CFAP58: variants seen among roughly 807,000 people sequenced by gnomAD.
CFAP58 encodes the protein cilia and flagella associated protein 58.
CFAP58 carries 88 observed loss-of-function variants against 119.5 expected under a neutral mutation model. The observed-to-expected ratio is 0.74, with a 90% CI of 0.62 to 0.88. The LOEUF (loss-of-function observed/expected upper bound fraction) is 0.88. Ranked by LOEUF, CFAP58 falls within the 40% of genes least tolerant of loss-of-function variation. CFAP58 has a pLI of 0.00. For missense variants in CFAP58, 990 were observed against 1,021.2 expected (o/e 0.97, Z 0.42); for synonymous variants, 365 against 366.3 (o/e 1.00, Z 0.04).
At chr10:104,353,655 A>G (rs1389201072), upstream of CFAP58, 3 of 521,330 alleles carry the variant, frequency 5.8e-6, no homozygotes, top group Admixed American at 6.4e-5. Flanking sequence ...ATATATTTGC[A>G]TATTTCTCTG....
upstream of CFAP58, chr10:104,353,654 C>T (rs1350732613): frequency 9.6e-6 from 5 of 522,332 alleles, no homozygotes; most frequent in Admixed American, 1.6e-4. Context: ...GATATATTTG[C>T]ATATTTCTCT....
intron 1 of CFAP58, among the ~76,000 whole-genome samples, chr10:104,354,931 C>G (rs563970004): frequency 6.6e-6 from 1 of 152,144 alleles, no homozygotes; most frequent in African/African-American, 2.4e-5. Context: ...TACTCTCTTG[C>G]TTCCTCTGCA....
chr10:104,372,956 T>C lies in CFAP58; in HGVS notation c.1090+1902T>C, dbSNP rs190129675. Among the ~76,000 whole-genome samples the C allele has an allele frequency of 6.1e-3, 923 of 152,188 alleles. 26 individuals carry two copies. Among genetic ancestry groups the C allele is most frequent in the Admixed American group, 0.057 (868 of 15,298 alleles). On this transcript the variant is annotated intron_variant, in intron 7 of 17. Coordinates refer to ENST00000369704, the MANE Select transcript of CFAP58 (RefSeq NM_001008723.2). ...GCATGGGTCTCCCTCCTACATGTTA[T>C]GATTTGCTACCACAGAAACCAAGAA...
intron 12 of CFAP58, among the ~76,000 whole-genome samples, chr10:104,399,832 G>T (rs540187918): frequency 1.3e-5 from 2 of 152,034 alleles, no homozygotes; most frequent in African/African-American, 2.4e-5. Context: ...TCTTGACTGG[G>T]TGTTCACATG....
chr10:104,403,336 T>C (rs1013163258), intron 13 of CFAP58, among the ~76,000 whole-genome samples: 4 of 152,216 alleles, frequency 2.6e-5, no homozygotes, highest in Non-Finnish European at 5.9e-5. Context: ...TCTCCAGCCA[T>C]GTGGAACTGT....
intron 9 of CFAP58, among the ~76,000 whole-genome samples, chr10:104,382,866 C>T (rs1228374123): frequency 6.6e-6 from 1 of 152,172 alleles, no homozygotes; most frequent in Non-Finnish European, 1.5e-5. Flanking sequence ...ATGAATTACC[C>T]AGTCACAGGG....
intron 15 of CFAP58, among the ~76,000 whole-genome samples, chr10:104,437,952 T>C (rs1040561700): frequency 1.4e-4 from 21 of 152,006 alleles, no homozygotes; most frequent in Admixed American, 1.1e-3. Context: ...AATATATAAA[T>C]AATTACAAAT....
chr10:104,361,197 T>A (rs2014661922), intron 2 of CFAP58, among the ~76,000 whole-genome samples: 2 of 152,234 alleles, frequency 1.3e-5, no homozygotes. Context: ...AATTCACTTT[T>A]AAGTATTTAT....
rs555421611 is a variant in CFAP58, at chr10:104,454,878, G to A, written c.*348G>A. 5.6e-6 allele frequency: 1 copy of A among 178,484 alleles called. No individual in the cohort carries two copies. The highest frequency in any genetic ancestry group is 2.4e-5 in the African/African-American group (1 of 42,484). The allele number at this position is 178,484 out of a possible 1,614,324, so 11.1% of individuals were successfully genotyped here. ...TTTAAAAGTATTTTTGAAATGCAAT[G>A]TGTCCCCTCTCACCTTATTAACAAT... is the stretch of plus-strand genomic sequence containing the variant. On this transcript the variant is annotated 3_prime_UTR_variant, in exon 18 of 18. Transcript: ENST00000369704.
At chr10:104,361,878 A>G in intron 2 of CFAP58, 145 bp from the exon 3 acceptor site, 1 of 718,052 alleles carries the variant, frequency 1.4e-6, no homozygotes, top group Non-Finnish European at 2.3e-6. Context: ...TGTGCTATTC[A>G]CTATTGACTA....
At chr10:104,396,787 G>A (rs1461226717) in intron 11 of CFAP58, among the ~76,000 whole-genome samples, 2 of 152,246 alleles carry the variant, frequency 1.3e-5, no homozygotes, top group African/African-American at 4.8e-5. Context: ...GGCGTTGCTT[G>A]ATGAGCTTTT....
At chr10:104,407,451 C>T (rs928196130) in intron 15 of CFAP58, among the ~76,000 whole-genome samples, 6 of 152,088 alleles carry the variant, frequency 3.9e-5, no homozygotes, top group African/African-American at 1.2e-4. Flanking sequence ...TCAGCGCCCA[C>T]GAGTTTAGTG....
At chr10:104,375,789 C>CGG (rs199558938) in intron 7 of CFAP58, among the ~76,000 whole-genome samples, 1 of 117,500 alleles carries the variant, frequency 8.5e-6, no homozygotes, top group Non-Finnish European at 1.8e-5. Flanking sequence ...TGGATGGGGT[C>CGG]GGGGGGGGCT....
At position 104,434,260 on chromosome 10, in the gene CFAP58, C is replaced by T. The variant is rs566981553; in HGVS notation, c.2257-13438C>T. On this transcript the variant is annotated intron_variant, in intron 15 of 17. Coordinates refer to ENST00000369704, the MANE Select transcript of CFAP58 (RefSeq NM_001008723.2). ...GGTAACTGGATTCCTTCTGCCTTCTCTTATTAATCCCCAGGGGATTGTTTA... is the reference window on the plus strand; with the variant it reads ...GGTAACTGGATTCCTTCTGCCTTCTTTTATTAATCCCCAGGGGATTGTTTA... 1.7e-3 allele frequency among the ~76,000 whole-genome samples: 266 copies of T among 152,182 alleles called. 1 individual carries two copies. The highest frequency in any genetic ancestry group is 3.0e-3 in the Non-Finnish European group (207 of 68,030).
intron 7 of CFAP58, among the ~76,000 whole-genome samples, chr10:104,375,428 C>A (rs534189409): frequency 9.2e-5 from 14 of 152,068 alleles, no homozygotes; most frequent in Admixed American, 2.0e-4. Context: ...TTAAAAACAG[C>A]AAGTGGCCGG....
intron 2 of CFAP58, among the ~76,000 whole-genome samples, chr10:104,360,527 A>G (rs948916313): frequency 1.3e-5 from 2 of 152,160 alleles, no homozygotes; most frequent in Non-Finnish European, 2.9e-5. Context: ...GCAGGATGTT[A>G]CATAGGTAAA....
rs2012062868 is a variant in CFAP58 at position 104,392,311 on chromosome 10, A to G, written c.1444A>G (p.Ile482Val). 3 of 1,613,220 alleles carry G rather than the reference A, an allele frequency of 1.9e-6. No homozygotes were observed. The highest frequency in any genetic ancestry group is 1.7e-4 in the Middle Eastern group (1 of 6,016). ...DYRKKIAESE[I>V]KLKQQQNLYE... is the part of the protein sequence containing the mutation. ...CAGGAAAAAAATAGCTGAATCAGAG[A>G]TTAAATTAAAACAGCAACAGAACCT... Residue 482 changes from isoleucine (I) to valine (V), a missense_variant, in exon 10 of 18, where the codon ATT becomes GTT. Coordinates refer to ENST00000369704, the MANE Select transcript of CFAP58 (RefSeq NM_001008723.2).
intron 7 of CFAP58, among the ~76,000 whole-genome samples, chr10:104,375,262 A>C (rs985662903): frequency 1.6e-4 from 24 of 150,768 alleles, no homozygotes; most frequent in African/African-American, 5.3e-4. Context: ...ATTTATAAAT[A>C]TATTTATATA....
chr10:104,419,334 G>T (rs2012616112), intron 15 of CFAP58, among the ~76,000 whole-genome samples: 1 of 152,120 alleles, frequency 6.6e-6, no homozygotes, highest in Non-Finnish European at 1.5e-5. Context: ...CACTACTCAT[G>T]ATCCTGTAAC....
Sources: gnomAD v4.1 joint callset for allele counts (sites outside exome capture counted in the v4.1 genomes callset) on GRCh38, gnomAD v4.1.1 for gene constraint, MANE v1.5 for transcripts, NCBI Gene and HGNC (gene_info 2026-07-23, HGNC 2026-07-21) for gene names.